Variants in PPP1R13B observed in about 807,000 individuals in gnomAD.
PPP1R13B encodes apoptosis-stimulating of p53 protein 1.
PPP1R13B carries 44 observed loss-of-function variants against 119.8 expected under a neutral mutation model. That is an observed-to-expected ratio of 0.37 (90% CI 0.29 to 0.47). The LOEUF (loss-of-function observed/expected upper bound fraction) is 0.47. Ranked by LOEUF, PPP1R13B falls within the 20% of genes least tolerant of loss-of-function variation. The pLI is 0.99. For missense variants in PPP1R13B, 1,227 were observed against 1,413.5 expected, an observed-to-expected ratio of 0.87 and a Z score of 2.12; for synonymous variants, 542 against 561.5, an observed-to-expected ratio of 0.97 and a Z score of 0.49.
rs57795299 is a variant in PPP1R13B, at chr14:103,771,475, C to CTT, written c.354+7268_354+7269dup. Among the ~76,000 whole-genome samples, 393 of 96,904 alleles carry CTT rather than the reference C, an allele frequency of 4.1e-3. 3 individuals are homozygous for CTT. The highest frequency in any genetic ancestry group is 6.1e-3 in the Middle Eastern group (1 of 164). The allele number at this position is 96,904 out of a possible 152,430, so 63.6% of individuals were successfully genotyped here. ...TAAGAAGATTTAAGAACTAACACTT[C>CTT]TTTTTTTTTTTTTTTTTTTTTTGAG... On this transcript the variant is annotated intron_variant, in intron 4 of 16. Transcript: ENST00000202556.
At chr14:103,741,700 G>C (rs1384292853) in intron 11 of PPP1R13B, 90 bp downstream of exon 11, 6 of 1,431,894 alleles carry the variant, frequency 4.2e-6, no homozygotes, top group Middle Eastern at 2.5e-4. Context: ...AATAGCACGT[G>C]GCCCAAACGT....
chr14:103,812,071 A>C (rs2086170009), intron 1 of PPP1R13B, among the ~76,000 whole-genome samples: 1 of 150,696 alleles, frequency 6.6e-6, no homozygotes, highest in Non-Finnish European at 1.5e-5. Flanking sequence ...AAAAAAAAAA[A>C]AAAAAAAAAA....
chr14:103,823,419 T>C (rs926286840), intron 1 of PPP1R13B, among the ~76,000 whole-genome samples: 1 of 151,900 alleles, frequency 6.6e-6, no homozygotes, highest in African/African-American at 2.4e-5. Context: ...TGGACAGTGT[T>C]ATTCTCAAAG....
chr14:103,753,559 A>G (rs1595727296), intron 6 of PPP1R13B, among the ~76,000 whole-genome samples: 2 of 152,194 alleles, frequency 1.3e-5, no homozygotes, highest in East Asian at 1.9e-4. Flanking sequence ...AATGAATAAA[A>G]TAAGAGTTCA....
chr14:103,738,446 C>T lies in PPP1R13B; in HGVS notation c.2864+233G>A, dbSNP rs186858934. On this transcript the variant is annotated intron_variant, in intron 14 of 16. Coordinates refer to ENST00000202556, the MANE Select transcript of PPP1R13B (RefSeq NM_015316.3). The surrounding 1 kb of genome is among the most constrained non-coding windows in gnomAD (Gnocchi z 5.6). ...AATGCTTAGACTGCAATGTTAATGA[C>T]GAGGCACAGAAAGAGCATAACCACA... 2.8e-4 allele frequency: 161 copies of T among 585,042 alleles called. No homozygotes were observed. The highest frequency in any genetic ancestry group is 2.7e-3 in the African/African-American group (144 of 53,526). 36.2% of individuals were successfully genotyped at this position (585,042 alleles called of 1,614,324 possible).
At chr14:103,835,912 AT>A (rs1014771968) in intron 1 of PPP1R13B, among the ~76,000 whole-genome samples, 3 of 151,128 alleles carry the variant, frequency 2.0e-5, no homozygotes, top group African/African-American at 4.9e-5. Context: ...CTGGCCTTTA[AT>A]TTTTTTTAAT....
At chr14:103,747,925 T>C (rs1474246921) in intron 8 of PPP1R13B, among the ~76,000 whole-genome samples, 1 of 152,174 alleles carries the variant, frequency 6.6e-6, no homozygotes, top group Non-Finnish European at 1.5e-5. Context: ...AGAGACGCCC[T>C]GAGAAAGCGG....
At chr14:103,828,144 A>C (rs2086592926) in intron 1 of PPP1R13B, among the ~76,000 whole-genome samples, 1 of 152,084 alleles carries the variant, frequency 6.6e-6, no homozygotes, top group Non-Finnish European at 1.5e-5. Flanking sequence ...AGGTGGGTGG[A>C]TCACCCAAGG....
chr14:103,840,510 A>T (rs759446392), intron 1 of PPP1R13B, among the ~76,000 whole-genome samples: 2 of 152,094 alleles, frequency 1.3e-5, no homozygotes, highest in Non-Finnish European at 2.9e-5. Flanking sequence ...TCTTTTTGGC[A>T]GGGCGCAGTG....
intron 1 of PPP1R13B, among the ~76,000 whole-genome samples, chr14:103,801,251 T>C (rs2085894098): frequency 6.6e-6 from 1 of 152,180 alleles, no homozygotes; most frequent in Non-Finnish European, 1.5e-5. Context: ...ACACCTTCGC[T>C]GGTATATAAG....
chr14:103,811,418 T>G (rs1337201762), intron 1 of PPP1R13B, among the ~76,000 whole-genome samples: 1 of 152,170 alleles, frequency 6.6e-6, no homozygotes, highest in Non-Finnish European at 1.5e-5. Context: ...ATCCCAGCAC[T>G]TCGGGATGTC....
At chr14:103,795,395 G>A (rs868441866) in intron 2 of PPP1R13B, among the ~76,000 whole-genome samples, 1 of 152,144 alleles carries the variant, frequency 6.6e-6, no homozygotes, top group South Asian at 2.1e-4. Context: ...CAAAAGCCAC[G>A]GTAAATGTAC....
intron 4 of PPP1R13B, among the ~76,000 whole-genome samples, chr14:103,766,960 C>T (rs1400417531): frequency 1.3e-5 from 2 of 152,166 alleles, no homozygotes; most frequent in African/African-American, 4.8e-5. Flanking sequence ...AAGAATAAAA[C>T]AATTTTAAAA....
At chr14:103,743,284 A>G (rs2084304909) in intron 9 of PPP1R13B, among the ~76,000 whole-genome samples, 1 of 152,206 alleles carries the variant, frequency 6.6e-6, no homozygotes, top group South Asian at 2.1e-4. Context: ...TAGTACTTTA[A>G]TTATTGAGAT....
intron 8 of PPP1R13B, chr14:103,746,763 C>T (rs2084396131): frequency 4.3e-6 from 2 of 460,196 alleles, no homozygotes; most frequent in Non-Finnish European, 7.8e-6. Context: ...CAACACCCAC[C>T]CATCTGGAGC....
At chr14:103,778,967 A>T in intron 3 of PPP1R13B, 146 bp from the exon 4 acceptor site, 1 of 668,524 alleles carries the variant, frequency 1.5e-6, no homozygotes. Context: ...AGTTGAAAAA[A>T]TGGTCTTACA....
intron 2 of PPP1R13B, among the ~76,000 whole-genome samples, chr14:103,796,670 T>C (rs1282271971): frequency 6.6e-6 from 1 of 152,120 alleles, no homozygotes; most frequent in East Asian, 1.9e-4. Flanking sequence ...CAAAAACTTG[T>C]ACATTGTCAG....
At chr14:103,831,986 G>C (rs1036240149) in intron 1 of PPP1R13B, among the ~76,000 whole-genome samples, 1 of 151,868 alleles carries the variant, frequency 6.6e-6, no homozygotes, top group Non-Finnish European at 1.5e-5. Context: ...TGCACCTGTA[G>C]TCCCAGCTAC....
intron 3 of PPP1R13B, among the ~76,000 whole-genome samples, chr14:103,783,213 C>CTT (rs35583523): frequency 2.6e-5 from 4 of 151,178 alleles, no homozygotes; most frequent in South Asian, 2.1e-4. Context: ...TATCTTTTGA[C>CTT]TTTTTTTTTA....
Sources: allele counts gnomAD v4.1 joint callset (sites outside exome capture counted in the v4.1 genomes callset), GRCh38; gene constraint gnomAD v4.1.1; non-coding constraint Gnocchi (gnomAD v3.1); transcripts MANE v1.5; gene names NCBI Gene and HGNC (gene_info 2026-07-23, HGNC 2026-07-21).